COP1: variants seen among roughly 807,000 people sequenced by gnomAD.
COP1 encodes the protein COP1 E3 ubiquitin ligase, also known as E3 ubiquitin-protein ligase COP1.
Under a neutral mutation model 101.3 loss-of-function variants are expected in COP1, and 24 were observed. That is an observed-to-expected ratio of 0.24 (90% CI 0.17 to 0.33). The LOEUF is 0.33. Ranked by LOEUF, COP1 falls within the 10% of genes least tolerant of loss-of-function variation. The probability of loss-of-function intolerance (pLI) is 1.00; values close to 1 mark genes in which losing one functional copy is unlikely to be tolerated. For missense variants in COP1, 663 were observed against 906.2 expected (o/e 0.73, Z 3.45); for synonymous variants, 347 against 341.9 (o/e 1.01, Z -0.17).
chr1:176,037,784 T>A (rs986668618), intron 14 of COP1, among the ~76,000 whole-genome samples: 3 of 152,156 alleles, frequency 2.0e-5, no homozygotes, highest in African/African-American at 7.2e-5. Flanking sequence ...GAAAAGAACG[T>A]CTTTAAATTG....
intron 18 of COP1, among the ~76,000 whole-genome samples, chr1:175,948,814 A>G (rs565643498): frequency 6.6e-6 from 1 of 152,278 alleles, no homozygotes; most frequent in Non-Finnish European, 1.5e-5. Flanking sequence ...GGGCATGGGA[A>G]TTGTTGATCT....
chr1:176,079,585 C>G (rs529987391), intron 11 of COP1, among the ~76,000 whole-genome samples: 1 of 151,066 alleles, frequency 6.6e-6, no homozygotes, highest in African/African-American at 2.4e-5. Flanking sequence ...GCCTCAGTGT[C>G]GTGCAATATA....
At chr1:176,201,247 T>G (rs1197706112) in intron 1 of COP1, among the ~76,000 whole-genome samples, 3 of 152,136 alleles carry the variant, frequency 2.0e-5, no homozygotes, top group Non-Finnish European at 4.4e-5. Context: ...GCACTTCAGA[T>G]AGAGGATACT....
chr1:176,079,951 A>C lies in COP1; in HGVS notation c.1277+1201T>G, dbSNP rs141417272. On this transcript the variant is annotated intron_variant, in intron 11 of 19. Coordinates refer to ENST00000367669, the MANE Select transcript of COP1 (RefSeq NM_022457.7). ...GGCATGAGGACTGCATGAGCCTAGG[A>C]GTCTGAGGATCGCCTAGGCAGCATA... Among the ~76,000 whole-genome samples the C allele has an allele frequency of 7.1e-3, 1,075 of 152,196 alleles. 14 individuals are homozygous for C. The highest frequency in any genetic ancestry group is 0.024 in the African/African-American group (1,009 of 41,520).
chr1:176,054,031 C>T (rs1289743363), intron 11 of COP1, among the ~76,000 whole-genome samples: 1 of 152,034 alleles, frequency 6.6e-6, no homozygotes, highest in Non-Finnish European at 1.5e-5. Flanking sequence ...TATAGTGATC[C>T]TTAAGGAGGC....
At chr1:175,999,401 C>A (rs1661060511) in intron 15 of COP1, among the ~76,000 whole-genome samples, 1 of 152,012 alleles carries the variant, frequency 6.6e-6, no homozygotes. Flanking sequence ...ACATAATGAT[C>A]TCCAGTTCCA....
intron 18 of COP1, among the ~76,000 whole-genome samples, chr1:175,970,142 A>C (rs941423548): frequency 6.6e-6 from 1 of 152,180 alleles, no homozygotes; most frequent in African/African-American, 2.4e-5. Context: ...GGGCAACACT[A>C]ATGAAGCATA....
intron 3 of COP1, among the ~76,000 whole-genome samples, chr1:176,168,502 A>AAGGGAGGG (rs34528132): frequency 2.8e-5 from 3 of 106,592 alleles, no homozygotes; most frequent in East Asian, 3.0e-4. Flanking sequence ...GGGAAGAAGG[A>AAGGGAGGG]AGGGAGGGAG....
chr1:176,109,656 T>A (rs948467821), intron 9 of COP1, among the ~76,000 whole-genome samples: 22 of 152,206 alleles, frequency 1.4e-4, no homozygotes, highest in African/African-American at 5.1e-4. Flanking sequence ...TTATGGTTAC[T>A]GGTCTATCCC....
intron 15 of COP1, among the ~76,000 whole-genome samples, chr1:175,999,008 ATTTTG>A (rs1384693627): frequency 6.6e-6 from 1 of 152,076 alleles, no homozygotes; most frequent in African/African-American, 2.4e-5. Flanking sequence ...ATGACTCTCT[ATTTTG>A]TTTTATGTCT....
chr1:176,104,601 T>C (rs970256605), intron 9 of COP1, among the ~76,000 whole-genome samples: 2 of 152,206 alleles, frequency 1.3e-5, no homozygotes, highest in Non-Finnish European at 2.9e-5. Flanking sequence ...TATTCTGAGA[T>C]ATATTTCTCA....
At chr1:175,964,966 G>T (rs1041336312) in intron 18 of COP1, among the ~76,000 whole-genome samples, 16 of 152,144 alleles carry the variant, frequency 1.1e-4, no homozygotes, top group African/African-American at 3.4e-4. Flanking sequence ...CTCATTGCCA[G>T]AAAAGAGAGT....
intron 15 of COP1, among the ~76,000 whole-genome samples, chr1:176,008,245 G>C (rs967727613): frequency 6.6e-6 from 1 of 152,186 alleles, no homozygotes; most frequent in Admixed American, 6.5e-5. Flanking sequence ...CCACTGTCTG[G>C]CACTTCCTAG....
chr1:176,168,691 AG>A (rs769543038), intron 3 of COP1: 4 of 317,696 alleles, frequency 1.3e-5, no homozygotes, highest in Admixed American at 1.1e-4. Context: ...GGATCAGGAG[AG>A]GGAAAGAGAG....
At chr1:176,003,509 T>C (rs1662310603) in intron 15 of COP1, among the ~76,000 whole-genome samples, 1 of 151,778 alleles carries the variant, frequency 6.6e-6, no homozygotes, top group Admixed American at 6.6e-5. Context: ...CTTTAATCCA[T>C]CTTGAATTGA....
At chr1:175,964,911 A>T (rs191991750) in intron 18 of COP1, among the ~76,000 whole-genome samples, 1 of 152,154 alleles carries the variant, frequency 6.6e-6, no homozygotes, top group Admixed American at 6.5e-5. Context: ...CTCTTGTCTT[A>T]TTTGGACAAA....
At chr1:176,036,636 G>A (rs561360838) in intron 14 of COP1, among the ~76,000 whole-genome samples, 10 of 151,998 alleles carry the variant, frequency 6.6e-5, no homozygotes, top group African/African-American at 2.4e-4. Flanking sequence ...AATGCAATGT[G>A]CATTCAGTAG....
intron 11 of COP1, among the ~76,000 whole-genome samples, chr1:176,070,350 T>A (rs1406762307): frequency 3.4e-5 from 5 of 148,074 alleles, no homozygotes; most frequent in African/African-American, 1.0e-4. Flanking sequence ...TTTTTTTTTT[T>A]AACTTTTTTT....
intron 5 of COP1, among the ~76,000 whole-genome samples, chr1:176,161,605 A>C (rs1694333948): frequency 1.3e-5 from 2 of 150,734 alleles, no homozygotes; most frequent in African/African-American, 4.9e-5. Context: ...TTGTCCCTTA[A>C]AAAAAAAAGA....
Sources: allele counts gnomAD v4.1 joint callset (sites outside exome capture counted in the v4.1 genomes callset), GRCh38; gene constraint gnomAD v4.1.1; transcripts MANE v1.5; gene names NCBI Gene and HGNC (gene_info 2026-07-23, HGNC 2026-07-21).